Variants in GRID2 observed in about 807,000 individuals in gnomAD.
GRID2 encodes glutamate receptor ionotropic, delta-2.
GRID2 carries 33 observed loss-of-function variants against 114.8 expected under a neutral mutation model. The observed-to-expected ratio is 0.29, with a 90% CI of 0.22 to 0.38. GRID2 has a LOEUF of 0.38. GRID2 is among the 10% of genes least tolerant of loss of function. GRID2 has a pLI of 1.00. For missense variants in GRID2, 1,184 were observed against 1,257.7 expected (o/e 0.94, Z 0.89); for synonymous variants, 505 against 449.9 (o/e 1.12, Z -1.55).
At position 93,638,301 on chromosome 4, in the gene GRID2, C is replaced by CTTTTTTT. The variant is rs1184003180; in HGVS notation, c.2360+11878_2360+11884dup. Among the ~76,000 whole-genome samples the CTTTTTTT allele has an allele frequency of 7.8e-5, 6 of 77,316 alleles. 1 individual carries two copies. The highest frequency in any genetic ancestry group is 2.4e-4 in the East Asian group (1 of 4,222). 50.7% of individuals were successfully genotyped at this position (77,316 alleles called of 152,430 possible). A position where few individuals can be genotyped will look rare whatever the true frequency, so the allele number is the denominator to read the frequency against. ...AAGAAAACATATTTAAAACTTGCAT[C>CTTTTTTT]TTTTTTTTTTTTTTTTTTAATTATA... On this transcript the variant is annotated intron_variant, in intron 14 of 15. Coordinates refer to ENST00000282020, the MANE Select transcript of GRID2 (RefSeq NM_001510.4).
intron 8 of GRID2, among the ~76,000 whole-genome samples, chr4:93,366,085 C>T (rs1032177440): frequency 2.6e-5 from 4 of 151,904 alleles, no homozygotes; most frequent in Non-Finnish European, 2.9e-5. Flanking sequence ...ACAAACTGTA[C>T]AGCATGTGTG....
chr4:92,443,896 C>G (rs573880899), intron 1 of GRID2, among the ~76,000 whole-genome samples: 69 of 152,264 alleles, frequency 4.5e-4, no homozygotes, highest in Admixed American at 3.3e-3. Context: ...TGACCGGCAC[C>G]AGAGTTTTGG....
rs549421874 is a variant in GRID2 at position 92,578,940 on chromosome 4, A to C, written c.89-11191A>C. On this transcript the variant is annotated intron_variant, in intron 1 of 15. Coordinates refer to ENST00000282020, the MANE Select transcript of GRID2 (RefSeq NM_001510.4). ...TATTTACCAAAAAACCAGAATTCAC[A>C]GATACAAATGTTTGCCAATTTGCTT... Among the ~76,000 whole-genome samples, 196 of 152,320 alleles carry C rather than the reference A, an allele frequency of 1.3e-3. 1 individual carries two copies. The highest frequency in any genetic ancestry group is 4.7e-3 in the African/African-American group (194 of 41,574).
At chr4:93,215,969 T>G (rs1049037469) in intron 5 of GRID2, among the ~76,000 whole-genome samples, 3 of 152,212 alleles carry the variant, frequency 2.0e-5, no homozygotes, top group East Asian at 3.9e-4. Flanking sequence ...CACCAACTTC[T>G]CTAGTAAAGA....
intron 12 of GRID2, among the ~76,000 whole-genome samples, chr4:93,514,475 T>C (rs888167468): frequency 7.0e-6 from 1 of 142,686 alleles, no homozygotes; most frequent in African/African-American, 2.6e-5. Flanking sequence ...CTAAAGCAAA[T>C]ATAGCAAACG....
At chr4:92,638,223 C>T (rs1402678989) in intron 2 of GRID2, among the ~76,000 whole-genome samples, 6 of 151,232 alleles carry the variant, frequency 4.0e-5, no homozygotes, top group Admixed American at 4.0e-4. Context: ...AAATCTGAGA[C>T]CCTTGCTGTT....
intron 1 of GRID2, among the ~76,000 whole-genome samples, chr4:92,506,628 A>G (rs1386141324): frequency 1.3e-5 from 2 of 151,930 alleles, no homozygotes; most frequent in African/African-American, 4.8e-5. Context: ...TTAAGAGAAA[A>G]TGATTTTCTG....
intron 1 of GRID2, among the ~76,000 whole-genome samples, chr4:92,463,004 A>G (rs1401341175): frequency 6.6e-6 from 1 of 152,038 alleles, no homozygotes; most frequent in East Asian, 1.9e-4. Flanking sequence ...ATAAATGTAT[A>G]ACATTATAAA....
At chr4:93,081,539 GGCAGTTAGT>G (rs1213769595) in intron 2 of GRID2, among the ~76,000 whole-genome samples, 1 of 152,102 alleles carries the variant, frequency 6.6e-6, no homozygotes, top group Non-Finnish European at 1.5e-5. Flanking sequence ...TTGTGCTTTT[GGCAGTTAGT>G]GCAGGCTCCA....
intron 3 of GRID2, among the ~76,000 whole-genome samples, chr4:93,088,876 G>A (rs77540955): frequency 0.039 from 5,865 of 152,074 alleles, 364 homozygotes; most frequent in African/African-American, 0.13. Flanking sequence ...ACGTCTGACA[G>A]AGCCTATGAT....
At chr4:92,893,348 CTT>C (rs1157440437) in intron 2 of GRID2, among the ~76,000 whole-genome samples, 1 of 152,080 alleles carries the variant, frequency 6.6e-6, no homozygotes, top group Non-Finnish European at 1.5e-5. Flanking sequence ...CTTCAGAACT[CTT>C]TATTCCATAT....
intron 2 of GRID2, among the ~76,000 whole-genome samples, chr4:92,743,075 G>A (rs576321708): frequency 1.3e-5 from 2 of 152,284 alleles, no homozygotes; most frequent in Admixed American, 1.3e-4. Context: ...CCAGGAGTTT[G>A]AGACCAGCTT....
At chr4:93,541,096 C>T (rs1431573107) in intron 13 of GRID2, among the ~76,000 whole-genome samples, 3 of 152,028 alleles carry the variant, frequency 2.0e-5, no homozygotes, top group Non-Finnish European at 2.9e-5. Flanking sequence ...GAGGAAATGT[C>T]GTTGAGAGAC....
intron 1 of GRID2, among the ~76,000 whole-genome samples, chr4:92,371,389 C>G (rs2110218917): frequency 6.6e-6 from 1 of 152,040 alleles, no homozygotes; most frequent in South Asian, 2.1e-4. Context: ...GACAGGCTGA[C>G]TCTCATGTTA....
At chr4:92,745,906 C>A (rs1283736815) in intron 2 of GRID2, among the ~76,000 whole-genome samples, 2 of 152,088 alleles carry the variant, frequency 1.3e-5, no homozygotes, top group African/African-American at 4.8e-5. Flanking sequence ...TTTGTGAAGT[C>A]ATAGGATTTG....
At chr4:92,357,756 T>C (rs1728399495) in intron 1 of GRID2, among the ~76,000 whole-genome samples, 1 of 151,866 alleles carries the variant, frequency 6.6e-6, no homozygotes, top group African/African-American at 2.4e-5. Context: ...GTTCTTTGAG[T>C]CACAGTATTT....
At chr4:92,813,664 A>ACC (rs1560607327) in intron 2 of GRID2, among the ~76,000 whole-genome samples, 2 of 152,096 alleles carry the variant, frequency 1.3e-5, no homozygotes, top group African/African-American at 4.8e-5. Context: ...GCACGCACAC[A>ACC]CACACACATA....
intron 1 of GRID2, among the ~76,000 whole-genome samples, chr4:92,468,410 T>A (rs1721860469): frequency 6.6e-6 from 1 of 152,092 alleles, no homozygotes; most frequent in South Asian, 2.1e-4. Context: ...ACCATTATGC[T>A]ATTTATTGGT....
chr4:92,929,765 T>G (rs565480047), intron 2 of GRID2, among the ~76,000 whole-genome samples: 3 of 150,712 alleles, frequency 2.0e-5, no homozygotes, highest in Admixed American at 6.6e-5. Context: ...TGCATGAAAT[T>G]ATTTCAGTCT....
Sources: gnomAD v4.1 joint callset for allele counts (sites outside exome capture counted in the v4.1 genomes callset) on GRCh38, gnomAD v4.1.1 for gene constraint, MANE v1.5 for transcripts, NCBI Gene and HGNC (gene_info 2026-07-23, HGNC 2026-07-21) for gene names.